Variants in UBE2E3 observed in about 807,000 individuals in gnomAD.
UBE2E3 encodes ubiquitin conjugating enzyme E2 E3, also known as ubiquitin-conjugating enzyme E2 E3.
Under a neutral mutation model 23.6 loss-of-function variants are expected in UBE2E3, and 5 were observed. That is an observed-to-expected ratio of 0.21 (90% CI 0.11 to 0.44). The LOEUF (loss-of-function observed/expected upper bound fraction) is 0.44. Among genes scored for constraint, UBE2E3 ranks in the 20% least tolerant of loss-of-function variants. The pLI, the probability that UBE2E3 is intolerant of heterozygous loss-of-function variation, is 0.99. For missense variants in UBE2E3, 81 were observed against 249.8 expected, an observed-to-expected ratio of 0.32 and a Z score of 4.55; for synonymous variants, 78 against 87.5, an observed-to-expected ratio of 0.89 and a Z score of 0.60.
intron 4 of UBE2E3, among the ~76,000 whole-genome samples, chr2:181,059,710 A>G (rs1687085156): frequency 1.3e-5 from 2 of 151,576 alleles, no homozygotes; most frequent in Admixed American, 1.3e-4. Flanking sequence ...TGTAACTAGT[A>G]TATGCTGTAT....
At chr2:181,015,374 C>A (rs1378443202) in intron 3 of UBE2E3, among the ~76,000 whole-genome samples, 1 of 152,020 alleles carries the variant, frequency 6.6e-6, no homozygotes, top group Non-Finnish European at 1.5e-5. Context: ...TATTTTAATA[C>A]ATCTAGAACA....
chr2:181,056,520 CT>C (rs1181418946), intron 3 of UBE2E3, among the ~76,000 whole-genome samples: 1 of 151,710 alleles, frequency 6.6e-6, no homozygotes, highest in Non-Finnish European at 1.5e-5. Context: ...GAAAGCCACT[CT>C]TTTTAACAAT....
intron 3 of UBE2E3, among the ~76,000 whole-genome samples, chr2:181,008,939 A>G (rs1174765505): frequency 2.0e-5 from 3 of 149,336 alleles, no homozygotes; most frequent in African/African-American, 7.4e-5. Flanking sequence ...CTAGGGTATA[A>G]TTTGTTTTAT....
chr2:180,983,053 GGTA>G (rs1485706931), intron 2 of UBE2E3, among the ~76,000 whole-genome samples: 3 of 152,046 alleles, frequency 2.0e-5, no homozygotes, highest in African/African-American at 4.8e-5. Flanking sequence ...TCTTATCAGT[GGTA>G]GTAGTAGTGG....
chr2:180,999,537 T>C (rs1684931893), intron 3 of UBE2E3, among the ~76,000 whole-genome samples: 1 of 152,222 alleles, frequency 6.6e-6, no homozygotes, highest in South Asian at 2.1e-4. Flanking sequence ...AGCTGTACCA[T>C]TTTACTTTCC....
At chr2:181,029,091 T>G (rs1685988213) in intron 3 of UBE2E3, among the ~76,000 whole-genome samples, 3 of 152,294 alleles carry the variant, frequency 2.0e-5, no homozygotes, top group Admixed American at 2.0e-4. Context: ...TATTGAATAG[T>G]CCAGTGGCTA....
At chr2:181,052,632 A>G (rs1489552066) in intron 3 of UBE2E3, among the ~76,000 whole-genome samples, 3 of 151,822 alleles carry the variant, frequency 2.0e-5, no homozygotes, top group African/African-American at 4.8e-5. Flanking sequence ...ACACATTTTA[A>G]CACCACTAAC....
chr2:180,996,489 A>G (rs1318847049), intron 3 of UBE2E3, among the ~76,000 whole-genome samples: 1 of 152,216 alleles, frequency 6.6e-6, no homozygotes, highest in Non-Finnish European at 1.5e-5. Context: ...TTAATATACA[A>G]GAAGCATCCT....
chr2:181,019,250 G>A (rs771845436), intron 3 of UBE2E3, among the ~76,000 whole-genome samples: 5 of 152,174 alleles, frequency 3.3e-5, no homozygotes, highest in Admixed American at 6.5e-5. Context: ...GTGAACCGCC[G>A]CACCCGGCCT....
chr2:181,052,118 AGTT>A (rs1165425502), intron 3 of UBE2E3, among the ~76,000 whole-genome samples: 2 of 151,830 alleles, frequency 1.3e-5, no homozygotes, highest in African/African-American at 4.8e-5. Flanking sequence ...AATCTTATCT[AGTT>A]GTTAAGGTTG....
At chr2:181,032,816 A>G (rs1282401694) in intron 3 of UBE2E3, among the ~76,000 whole-genome samples, 1 of 152,208 alleles carries the variant, frequency 6.6e-6, no homozygotes, top group Non-Finnish European at 1.5e-5. Context: ...CCTTAAGCTG[A>G]TAAGCAACTT....
intron 3 of UBE2E3, among the ~76,000 whole-genome samples, chr2:181,013,414 C>G (rs147578440): frequency 6.6e-6 from 1 of 150,856 alleles, no homozygotes; most frequent in African/African-American, 2.4e-5. Flanking sequence ...ATTGGAAGAT[C>G]TATTTTCAAG....
intron 3 of UBE2E3, among the ~76,000 whole-genome samples, chr2:181,035,234 A>G (rs567786223): frequency 5.9e-5 from 9 of 152,320 alleles, no homozygotes; most frequent in Non-Finnish European, 1.0e-4. Flanking sequence ...ACCTACACCT[A>G]TTATACTATG....
At chr2:181,036,860 T>C (rs1449441652) in intron 3 of UBE2E3, among the ~76,000 whole-genome samples, 1 of 152,232 alleles carries the variant, frequency 6.6e-6, no homozygotes, top group Non-Finnish European at 1.5e-5. Context: ...ACATAGGAAC[T>C]TAAATCTTGT....
chr2:180,993,602 C>T (rs1176875340), intron 3 of UBE2E3, among the ~76,000 whole-genome samples: 1 of 152,158 alleles, frequency 6.6e-6, no homozygotes, highest in Admixed American at 6.5e-5. Context: ...CCCTTTACAT[C>T]CATGCGTCTC....
intron 3 of UBE2E3, among the ~76,000 whole-genome samples, chr2:181,018,970 A>AT (rs1314294282): frequency 1.3e-4 from 19 of 150,146 alleles, no homozygotes; most frequent in Admixed American, 2.7e-4. Context: ...CTAGCTCTAA[A>AT]TTTTTTTTTT....
intron 3 of UBE2E3, among the ~76,000 whole-genome samples, chr2:181,033,854 C>A (rs1219416912): frequency 2.6e-5 from 4 of 152,072 alleles, no homozygotes; most frequent in African/African-American, 9.7e-5. Flanking sequence ...ACCCCATCAA[C>A]AAGTGGGCGA....
At chr2:180,994,829 T>C (rs1387572313) in intron 3 of UBE2E3, among the ~76,000 whole-genome samples, 2 of 152,188 alleles carry the variant, frequency 1.3e-5, no homozygotes, top group Admixed American at 1.3e-4. Context: ...TTTTATCATT[T>C]ACTGCTATGA....
intron 3 of UBE2E3, among the ~76,000 whole-genome samples, chr2:181,047,273 G>C (rs796669339): frequency 4.1e-4 from 62 of 152,122 alleles, no homozygotes; most frequent in African/African-American, 1.4e-3. Context: ...TGGGACTTAG[G>C]TGTGGTGGTC....
Sources: allele counts gnomAD v4.1 joint callset (sites outside exome capture counted in the v4.1 genomes callset), GRCh38; gene constraint gnomAD v4.1.1; transcripts MANE v1.5; gene names NCBI Gene and HGNC (gene_info 2026-07-23, HGNC 2026-07-21).